CSMD1: variants seen among roughly 807,000 people sequenced by gnomAD.
CSMD1 encodes CUB and Sushi multiple domains 1.
CSMD1 carries 213 observed loss-of-function variants against 417.5 expected under a neutral mutation model. The observed-to-expected ratio is 0.51, with a 90% CI of 0.46 to 0.57. CSMD1 has a LOEUF of 0.57. CSMD1 is among the 20% of genes least tolerant of loss of function. The probability of loss-of-function intolerance (pLI) is 0.00; values close to 1 mark genes in which losing one functional copy is unlikely to be tolerated. For missense variants in CSMD1, 6,923 were observed against 4,529.7 expected, an observed-to-expected ratio of 1.53 and a Z score of -15.17; for synonymous variants, 2,862 against 1,736.8, an observed-to-expected ratio of 1.65 and a Z score of -16.11.
chr8:4,276,260 G>T (rs1585141851), intron 3 of CSMD1, among the ~76,000 whole-genome samples: 1 of 152,188 alleles, frequency 6.6e-6, no homozygotes, highest in East Asian at 1.9e-4. Context: ...TAAAAAAAAT[G>T]TGGCACATAT....
chr8:2,952,159 C>G (rs1042027059), intron 65 of CSMD1, among the ~76,000 whole-genome samples: 3 of 152,272 alleles, frequency 2.0e-5, no homozygotes, highest in South Asian at 4.1e-4. Flanking sequence ...CAGCATTACT[C>G]TTTGTTTTCT....
chr8:3,986,522 TC>T (rs1814331089), intron 5 of CSMD1, among the ~76,000 whole-genome samples: 1 of 152,172 alleles, frequency 6.6e-6, no homozygotes, highest in East Asian at 1.9e-4. Flanking sequence ...CCTTTCTTTT[TC>T]TACTCCCATG....
At chr8:3,737,321 T>G (rs553971047) in intron 6 of CSMD1, among the ~76,000 whole-genome samples, 1 of 152,342 alleles carries the variant, frequency 6.6e-6, no homozygotes, top group East Asian at 1.9e-4. Context: ...CAAAGACAGC[T>G]GACCACAAAC....
At chr8:4,269,554 C>G (rs920361282) in intron 3 of CSMD1, among the ~76,000 whole-genome samples, 2 of 152,118 alleles carry the variant, frequency 1.3e-5, no homozygotes, top group East Asian at 1.9e-4. Context: ...CATCTGGTAG[C>G]TTTTTTCCTT....
At chr8:4,046,068 C>CA (rs1276273193) in intron 3 of CSMD1, among the ~76,000 whole-genome samples, 2 of 152,098 alleles carry the variant, frequency 1.3e-5, no homozygotes, top group East Asian at 3.9e-4. Flanking sequence ...TCAGTTCTCC[C>CA]AATTTATATA....
chr8:4,409,470 A>G (rs1031476455), intron 3 of CSMD1, among the ~76,000 whole-genome samples: 5 of 152,168 alleles, frequency 3.3e-5, no homozygotes, highest in Admixed American at 1.3e-4. Flanking sequence ...AAGAATGCCT[A>G]TCTACCTAAG....
At chr8:3,199,569 A>C (rs953047247) in intron 33 of CSMD1, 145 bp downstream of exon 33, 27 of 371,230 alleles carry the variant, frequency 7.3e-5, no homozygotes, top group Non-Finnish European at 1.1e-4. Flanking sequence ...AAATAATTTT[A>C]TTATAAACAT....
chr8:3,283,340 G>T (rs1802882601), intron 26 of CSMD1, among the ~76,000 whole-genome samples: 1 of 152,046 alleles, frequency 6.6e-6, no homozygotes, highest in Non-Finnish European at 1.5e-5. Context: ...TGGGTTAGGG[G>T]AGCCCTGAAG....
rs138768965 is a variant in CSMD1, at chr8:4,271,853, C to G, written c.415+148100G>C. On this transcript the variant is annotated intron_variant, in intron 3 of 69. Coordinates refer to ENST00000635120, the MANE Select transcript of CSMD1 (RefSeq NM_033225.6). ...TCCTGGCAGCGCTATTTGAAAGGCA[C>G]AGTGCATTCCACGATGCATACAGTC... is the stretch of plus-strand genomic sequence containing the variant. Among the ~76,000 whole-genome samples the G allele has an allele frequency of 5.9e-4, 90 of 152,278 alleles. No individual in the cohort carries two copies. In the East Asian group the frequency reaches 8.5e-3, roughly 14 times the overall value.
At chr8:3,953,671 G>T (rs371308100) in intron 5 of CSMD1, among the ~76,000 whole-genome samples, 50 of 152,250 alleles carry the variant, frequency 3.3e-4, no homozygotes, top group African/African-American at 1.1e-3. Context: ...GGGAGCCTGG[G>T]GAAGTGATGG....
At chr8:3,700,166 C>A (rs1800777278) in intron 7 of CSMD1, among the ~76,000 whole-genome samples, 1 of 152,150 alleles carries the variant, frequency 6.6e-6, no homozygotes, top group Non-Finnish European at 1.5e-5. Flanking sequence ...GTATACTGCT[C>A]AGGTAATGGG....
intron 5 of CSMD1, among the ~76,000 whole-genome samples, chr8:3,970,261 C>G (rs774988044): frequency 1.3e-5 from 2 of 152,170 alleles, no homozygotes; most frequent in Non-Finnish European, 2.9e-5. Flanking sequence ...CAGACCAGAA[C>G]GCTGTATGTC....
At chr8:4,671,015 T>A (rs1447425938) in intron 1 of CSMD1, among the ~76,000 whole-genome samples, 1 of 152,242 alleles carries the variant, frequency 6.6e-6, no homozygotes, top group Non-Finnish European at 1.5e-5. Context: ...TTGCCTACAT[T>A]GGCTGCTGTT....
chr8:4,417,563 C>G (rs186573975), intron 3 of CSMD1, among the ~76,000 whole-genome samples: 3 of 152,058 alleles, frequency 2.0e-5, no homozygotes, highest in East Asian at 3.9e-4. Flanking sequence ...CATTTTATAT[C>G]TAAATCCAGT....
At chr8:3,482,019 T>C (rs560667877) in intron 11 of CSMD1, among the ~76,000 whole-genome samples, 1 of 152,246 alleles carries the variant, frequency 6.6e-6, no homozygotes, top group South Asian at 2.1e-4. Flanking sequence ...GAACAACCAC[T>C]TTGAAAACTA....
intron 1 of CSMD1, among the ~76,000 whole-genome samples, chr8:4,951,182 T>C (rs1176483382): frequency 1.3e-5 from 2 of 152,060 alleles, no homozygotes; most frequent in African/African-American, 4.8e-5. Flanking sequence ...TAAATCTTGG[T>C]TTCATGGTAG....
At chr8:4,201,763 T>G (rs1799660273) in intron 3 of CSMD1, among the ~76,000 whole-genome samples, 1 of 151,166 alleles carries the variant, frequency 6.6e-6, no homozygotes, top group Admixed American at 6.6e-5. Flanking sequence ...CTCTTGAGAG[T>G]CTATGAAGGG....
intron 25 of CSMD1, among the ~76,000 whole-genome samples, chr8:3,286,895 G>A (rs1187149831): frequency 2.0e-5 from 3 of 152,204 alleles, no homozygotes; most frequent in Admixed American, 1.3e-4. Flanking sequence ...TGAAGTCCTT[G>A]CCCATGCCTA....
chr8:3,870,925 G>C (rs1234039818), intron 5 of CSMD1, among the ~76,000 whole-genome samples: 2 of 151,720 alleles, frequency 1.3e-5, no homozygotes, highest in Non-Finnish European at 2.9e-5. Flanking sequence ...CATGTACATA[G>C]CTTTTTATGT....
Sources: allele counts gnomAD v4.1 joint callset (sites outside exome capture counted in the v4.1 genomes callset), GRCh38; gene constraint gnomAD v4.1.1; transcripts MANE v1.5; gene names NCBI Gene and HGNC (gene_info 2026-07-23, HGNC 2026-07-21).